Variants in PPP2R2C observed in about 807,000 individuals in gnomAD.
PPP2R2C encodes protein phosphatase 2, regulatory subunit B, gamma.
A neutral mutation model predicts 45.3 loss-of-function variants in PPP2R2C; 10 were observed. That is an observed-to-expected ratio of 0.22 (90% CI 0.14 to 0.37). The LOEUF (loss-of-function observed/expected upper bound fraction) is 0.37. Ranked by LOEUF, PPP2R2C falls within the 10% of genes least tolerant of loss-of-function variation. The pLI is 1.00. For missense variants in PPP2R2C, 308 were observed against 619.7 expected (o/e 0.50, Z 5.34); for synonymous variants, 257 against 245.4 (o/e 1.05, Z -0.44).
At chr4:6,468,576 G>C (rs1175106728) in intron 1 of PPP2R2C, among the ~76,000 whole-genome samples, 1 of 152,124 alleles carries the variant, frequency 6.6e-6, no homozygotes, top group African/African-American at 2.4e-5. Flanking sequence ...AGGCACATGA[G>C]AGTGACTGTT....
chr4:6,554,930 GGAAAGAAAGAAAGAAAGAAA>G (rs71173447), intron 1 of PPP2R2C, among the ~76,000 whole-genome samples: 2 of 116,120 alleles, frequency 1.7e-5, no homozygotes, highest in East Asian at 4.2e-4. Flanking sequence ...AAGGAAGGAA[GGAAAGAAAGAAAGAAAGAAA>G]GAAAGAAAGA....
intron 1 of PPP2R2C, among the ~76,000 whole-genome samples, chr4:6,453,881 G>C (rs1304059956): frequency 6.6e-6 from 1 of 152,144 alleles, no homozygotes; most frequent in Non-Finnish European, 1.5e-5. Context: ...GACGGCCAGA[G>C]GGGCGGTGGC....
At chr4:6,348,707 G>T in intron 5 of PPP2R2C, 2 of 985,296 alleles carry the variant, frequency 2.0e-6, no homozygotes, top group East Asian at 2.3e-4. Flanking sequence ...TAGAAAGAAG[G>T]AGCTTCTATC....
Position 6,328,047 on chromosome 4 carries a change from G to A in PPP2R2C, c.1052+1215C>T, listed in dbSNP as rs368241104. On this transcript the variant is annotated intron_variant, in intron 8 of 8. Transcript: ENST00000382599. The surrounding 1 kb of genome is among the most constrained non-coding windows in gnomAD (Gnocchi z 4.4). The stretch of plus-strand genomic sequence containing the variant: ...CCAGAGCCACAGAGAGTCATAGTGC[G>A]GCAGCTCTCACATGACCACCACAGT... Among the ~76,000 whole-genome samples the A allele has an allele frequency of 3.3e-5, 5 of 152,156 alleles. No homozygotes were observed. Among genetic ancestry groups the A allele is most frequent in the African/African-American group, 1.2e-4 (5 of 41,520 alleles).
intron 2 of PPP2R2C, among the ~76,000 whole-genome samples, chr4:6,529,311 C>T (rs1350344701): frequency 6.6e-6 from 1 of 152,254 alleles, no homozygotes; most frequent in Non-Finnish European, 1.5e-5. Flanking sequence ...CAAAGAGCCT[C>T]AGACTGGCCT....
chr4:6,474,122 G>T (rs889760313), upstream of PPP2R2C, among the ~76,000 whole-genome samples: 2 of 152,146 alleles, frequency 1.3e-5, no homozygotes, highest in East Asian at 1.9e-4. Context: ...CCGTAGGAAA[G>T]TGACCGACAC....
At chr4:6,333,440 C>T (rs535521198) in intron 7 of PPP2R2C, 122 bp downstream of exon 7, 88 of 1,147,798 alleles carry the variant, frequency 7.7e-5, no homozygotes, top group African/African-American at 6.5e-4. Flanking sequence ...CTTCAGCCTC[C>T]GTGTCTTCAC....
At chr4:6,457,154 G>A (rs1259440094) in intron 1 of PPP2R2C, among the ~76,000 whole-genome samples, 2 of 137,006 alleles carry the variant, frequency 1.5e-5, no homozygotes, top group Non-Finnish European at 3.1e-5. Flanking sequence ...GTTGCAGTGA[G>A]CTGACATGAC....
intron 1 of PPP2R2C, among the ~76,000 whole-genome samples, chr4:6,538,423 A>G (rs1724701181): frequency 6.6e-6 from 1 of 152,178 alleles, no homozygotes; most frequent in Admixed American, 6.5e-5. Context: ...CAGCGACGCA[A>G]GCGTTTCAGA....
At chr4:6,452,452 C>A (rs557378772) in intron 1 of PPP2R2C, among the ~76,000 whole-genome samples, 3 of 152,326 alleles carry the variant, frequency 2.0e-5, no homozygotes, top group Non-Finnish European at 4.4e-5. Context: ...TGTGCTGCTT[C>A]CCTCAGCAGT....
intron 1 of PPP2R2C, among the ~76,000 whole-genome samples, chr4:6,390,671 G>A (rs1462811184): frequency 2.6e-5 from 4 of 152,218 alleles, no homozygotes; most frequent in African/African-American, 9.7e-5. Flanking sequence ...GAAAGACGAA[G>A]ACCTCATTCC....
intron 1 of PPP2R2C, among the ~76,000 whole-genome samples, chr4:6,557,646 G>A (rs145467769): frequency 6.6e-6 from 1 of 152,302 alleles, no homozygotes; most frequent in African/African-American, 2.4e-5. Context: ...TGTGTAGTGA[G>A]CGCTGTGGAG....
intron 2 of PPP2R2C, among the ~76,000 whole-genome samples, chr4:6,499,894 C>T (rs185959417): frequency 6.6e-6 from 1 of 152,218 alleles, no homozygotes; most frequent in African/African-American, 2.4e-5. Context: ...CCCCACCAAG[C>T]CACTCTCCTT....
chr4:6,510,861 C>A (rs905336677), intron 2 of PPP2R2C, among the ~76,000 whole-genome samples: 41 of 152,106 alleles, frequency 2.7e-4, no homozygotes, highest in African/African-American at 9.9e-4. Flanking sequence ...CCTGTATTCC[C>A]AGCTACTCAG....
intron 6 of PPP2R2C, among the ~76,000 whole-genome samples, chr4:6,341,544 C>T (rs1007101348): frequency 3.3e-5 from 5 of 152,122 alleles, no homozygotes; most frequent in African/African-American, 9.7e-5. Flanking sequence ...ACAATGACCC[C>T]TAAAGGCGTC....
intron 1 of PPP2R2C, among the ~76,000 whole-genome samples, chr4:6,386,917 T>G (rs547712944): frequency 3.8e-4 from 58 of 152,184 alleles, no homozygotes; most frequent in African/African-American, 1.3e-3. Flanking sequence ...AAATGAAAAT[T>G]CTATAACTTA....
intron 1 of PPP2R2C, among the ~76,000 whole-genome samples, chr4:6,543,460 T>C (rs1482025872): frequency 6.6e-6 from 1 of 152,120 alleles, no homozygotes; most frequent in African/African-American, 2.4e-5. Context: ...TGGTGGTTCA[T>C]GCCTGTAATC....
At chr4:6,505,036 T>G (rs578143204) in intron 2 of PPP2R2C, among the ~76,000 whole-genome samples, 1 of 151,856 alleles carries the variant, frequency 6.6e-6, no homozygotes, top group South Asian at 2.1e-4. Context: ...AAAGAAAAAC[T>G]CTGGAAAGAA....
intron 2 of PPP2R2C, among the ~76,000 whole-genome samples, chr4:6,505,723 T>G (rs571831060): frequency 6.6e-6 from 1 of 152,314 alleles, no homozygotes; most frequent in East Asian, 1.9e-4. Flanking sequence ...CCCACCACTT[T>G]GGGAGGCCAA....
Sources: gnomAD v4.1 joint callset for allele counts (sites outside exome capture counted in the v4.1 genomes callset) on GRCh38, gnomAD v4.1.1 for gene constraint, Gnocchi (gnomAD v3.1) non-coding constraint, MANE v1.5 for transcripts, NCBI Gene and HGNC (gene_info 2026-07-23, HGNC 2026-07-21) for gene names.